The following SOX6 variants were observed in gnomAD, a reference collection of about 807,000 sequenced individuals.
SOX6 encodes transcription factor SOX-6.
SOX6 carries 11 observed loss-of-function variants against 97.8 expected under a neutral mutation model. That is an observed-to-expected ratio of 0.11 (90% confidence interval 0.07 to 0.19). SOX6 has a LOEUF of 0.19. SOX6 is among the 10% of genes least tolerant of loss of function. The pLI, the probability that SOX6 is intolerant of heterozygous loss-of-function variation, is 1.00. For synonymous variants in SOX6, 360 were observed against 371.4 expected (o/e 0.97, Z 0.35); for missense variants, 810 against 1,039.5 (o/e 0.78, Z 3.04).
intron 3 of SOX6, among the ~76,000 whole-genome samples, chr11:16,280,337 G>C (rs1233327264): frequency 6.6e-6 from 1 of 150,698 alleles, no homozygotes; most frequent in Non-Finnish European, 1.5e-5. Flanking sequence ...CACCAAATTT[G>C]GGCTTAAATA....
At chr11:16,099,595 T>C (rs142351475) in intron 7 of SOX6, among the ~76,000 whole-genome samples, 3 of 151,868 alleles carry the variant, frequency 2.0e-5, no homozygotes, top group African/African-American at 7.2e-5. Flanking sequence ...GTTGCTTTAT[T>C]TGTACTAAAA....
At position 16,527,763 on chromosome 11, in the gene SOX6, G is replaced by T. The variant is rs1221430631; in HGVS notation, n.610-51375C>A. On this transcript the variant is annotated intron_variant and non_coding_transcript_variant, in intron 4 of 5. Transcript: ENST00000524520. ...GCTCCTTCAATTTGAATCACAGACT[G>T]AAATGACATACAGAGAAACAAACAG... 2.6e-4 allele frequency among the ~76,000 whole-genome samples: 39 copies of T among 152,088 alleles called. 2 individuals carry two copies. Among genetic ancestry groups the T allele is most frequent in the Admixed American group, 2.6e-3 (39 of 15,246 alleles).
At chr11:16,147,358 G>T (rs933030064) in intron 6 of SOX6, among the ~76,000 whole-genome samples, 1 of 152,088 alleles carries the variant, frequency 6.6e-6, no homozygotes, top group Non-Finnish European at 1.5e-5. Context: ...GTTGTGGGGT[G>T]GGGGAGGAGG....
chr11:16,539,847 A>G (rs752182950), intron 4 of SOX6, among the ~76,000 whole-genome samples: 1 of 152,178 alleles, frequency 6.6e-6, no homozygotes, highest in Non-Finnish European at 1.5e-5. Context: ...CCAACCAAAA[A>G]AAGTCCAGGC....
At chr11:16,126,268 C>A (rs1293088920) in intron 6 of SOX6, among the ~76,000 whole-genome samples, 1 of 151,882 alleles carries the variant, frequency 6.6e-6, no homozygotes. Flanking sequence ...AATCTATAGA[C>A]TTTTTTTTAG....
intron 4 of SOX6, among the ~76,000 whole-genome samples, chr11:16,540,425 C>G (rs528234741): frequency 6.6e-6 from 1 of 152,018 alleles, no homozygotes; most frequent in African/African-American, 2.4e-5. Context: ...CAGGGATGCC[C>G]TCTCTCACCA....
chr11:16,221,907 G>A (rs571967101), intron 4 of SOX6, among the ~76,000 whole-genome samples: 32 of 152,188 alleles, frequency 2.1e-4, no homozygotes, highest in African/African-American at 7.7e-4. Context: ...TAATATAAAA[G>A]TATGAAAAGT....
intron 7 of SOX6, among the ~76,000 whole-genome samples, chr11:16,103,134 A>G (rs1287798849): frequency 2.0e-5 from 3 of 152,092 alleles, no homozygotes; most frequent in Admixed American, 6.6e-5. Context: ...ACATCCAACA[A>G]AGAACTAATA....
chr11:16,597,499 TAAAAC>T (rs921759005), intron 4 of SOX6, among the ~76,000 whole-genome samples: 1 of 151,774 alleles, frequency 6.6e-6, no homozygotes, highest in African/African-American at 2.4e-5. Context: ...GTTTAGCAAA[TAAAAC>T]AAAAGAAAAT....
chr11:16,488,107 A>G (rs937381255), intron 4 of SOX6, among the ~76,000 whole-genome samples: 2 of 152,192 alleles, frequency 1.3e-5, no homozygotes, highest in African/African-American at 4.8e-5. Flanking sequence ...AAAGAAAAAT[A>G]AAGATTTGAT....
intron 1 of SOX6, among the ~76,000 whole-genome samples, chr11:16,385,276 G>T (rs1300078103): frequency 1.3e-5 from 2 of 152,036 alleles, no homozygotes; most frequent in South Asian, 2.1e-4. Flanking sequence ...ACATTTCCAG[G>T]TCTAATTGTC....
chr11:16,688,542 A>G (rs1488538856), intron 3 of SOX6, among the ~76,000 whole-genome samples: 1 of 152,138 alleles, frequency 6.6e-6, no homozygotes, highest in Non-Finnish European at 1.5e-5. Flanking sequence ...CTTCTGTAAT[A>G]TCTAATACAC....
intron 2 of SOX6, among the ~76,000 whole-genome samples, chr11:16,339,551 A>G (rs1227985677): frequency 6.6e-6 from 1 of 152,014 alleles, no homozygotes; most frequent in Non-Finnish European, 1.5e-5. Flanking sequence ...TTGCCCCATT[A>G]TGTTCTCACA....
At chr11:16,323,470 C>G (rs930807062) in intron 2 of SOX6, among the ~76,000 whole-genome samples, 1 of 152,054 alleles carries the variant, frequency 6.6e-6, no homozygotes, top group Non-Finnish European at 1.5e-5. Context: ...ATTTAAGTAG[C>G]CATCTCATGG....
At chr11:16,319,852 T>TA (rs1313469022) in intron 2 of SOX6, among the ~76,000 whole-genome samples, 1 of 151,922 alleles carries the variant, frequency 6.6e-6, no homozygotes, top group Non-Finnish European at 1.5e-5. Context: ...GTCTTTTTTT[T>TA]TTTATTTTAC....
intron 10 of SOX6, among the ~76,000 whole-genome samples, chr11:16,050,784 A>G (rs1382255523): frequency 6.6e-6 from 1 of 152,160 alleles, no homozygotes; most frequent in Non-Finnish European, 1.5e-5. Context: ...GCCATAAAAT[A>G]CTTGAAATAA....
chr11:16,212,099 A>G (rs1348705133), intron 4 of SOX6, among the ~76,000 whole-genome samples: 2 of 152,180 alleles, frequency 1.3e-5, no homozygotes, highest in Non-Finnish European at 2.9e-5. Context: ...CTGTGACAAG[A>G]AGTCAGAAAA....
At chr11:16,018,808 T>C (rs2133867460) in intron 12 of SOX6, among the ~76,000 whole-genome samples, 1 of 152,100 alleles carries the variant, frequency 6.6e-6, no homozygotes, top group East Asian at 1.9e-4. Flanking sequence ...TTTATTATTT[T>C]ATAGTGTCAT....
chr11:16,122,477 A>G (rs1849517334), intron 6 of SOX6, among the ~76,000 whole-genome samples: 1 of 152,078 alleles, frequency 6.6e-6, no homozygotes, highest in South Asian at 2.1e-4. Flanking sequence ...CCATTTAAAT[A>G]TGGTAATATT....
Sources: gnomAD v4.1 joint callset for allele counts (sites outside exome capture counted in the v4.1 genomes callset) on GRCh38, gnomAD v4.1.1 for gene constraint, MANE v1.5 for transcripts, NCBI Gene and HGNC (gene_info 2026-07-23, HGNC 2026-07-21) for gene names.